Variants in SLC27A2 observed in about 807,000 individuals in gnomAD.
The protein encoded by SLC27A2 is solute carrier family 27 member 2, also known as long-chain fatty acid transport protein 2.
A neutral mutation model predicts 60.0 loss-of-function variants in SLC27A2; 54 were observed. The ratio of observed to expected loss-of-function variants is 0.90; its 90% CI spans 0.72 to 1.13. The LOEUF (loss-of-function observed/expected upper bound fraction) is 1.13, where lower values mean the gene tolerates loss of function less well. Among genes scored for constraint, SLC27A2 ranks in the 50% most tolerant of loss-of-function variants. SLC27A2 has a pLI of 0.00. For missense variants in SLC27A2, 739 were observed against 777.6 expected, an observed-to-expected ratio of 0.95 and a Z score of 0.59; for synonymous variants, 297 against 297.6, an observed-to-expected ratio of 1.00 and a Z score of 0.02.
At position 50,205,362 on chromosome 15, in the gene SLC27A2, A is replaced by G. The variant is rs2045103848; in HGVS notation, c.971A>G (p.Gln324Arg). Residue 324 changes from glutamine (Q) to arginine (R), a missense_variant and splice_region_variant, in exon 4 of 10, where the codon CAG becomes CGG. Coordinates refer to ENST00000267842, the MANE Select transcript of SLC27A2 (RefSeq NM_003645.4). The part of the protein sequence containing the change: ...ELLRYLCNSP[Q>R]KPNDRDHKVR... ...CTTCGGTATTTATGCAACTCACCACAGGTAACACTCCCCCCGTTTTACTAT... is the reference window on the plus strand; with the variant it reads ...CTTCGGTATTTATGCAACTCACCACGGGTAACACTCCCCCCGTTTTACTAT... 3.1e-6 allele frequency: 5 copies of G among 1,604,176 alleles called. No individual in the cohort carries two copies. Among genetic ancestry groups the G allele is most frequent in the Non-Finnish European group, 4.3e-6 (5 of 1,173,522 alleles).
Position 50,226,230 on chromosome 15 carries a change from A to T in SLC27A2, c.1258+152A>T, listed in dbSNP as rs1873169946. 7.5e-6 allele frequency: 4 copies of T among 534,840 alleles called. No individual in the cohort carries two copies. In the East Asian group the frequency reaches 8.5e-5, roughly 11 times the overall value. The allele number at this position is 534,840 out of a possible 1,614,324, so 33.1% of individuals were successfully genotyped here. A position where few individuals can be genotyped will look rare whatever the true frequency, so the allele number is the denominator to read the frequency against. On this transcript the variant is annotated intron_variant, in intron 6 of 9. Transcript: ENST00000267842. ...GTACCCTCCAATATACAGGAATTCC[A>T]AAGGTGCTAATTTACCGCTGCATGT...
At chr15:50,193,283 GACA>G (rs1179200210) in intron 1 of SLC27A2, among the ~76,000 whole-genome samples, 12 of 152,120 alleles carry the variant, frequency 7.9e-5, no homozygotes, top group African/African-American at 2.9e-4. Flanking sequence ...CCCCTGTTGT[GACA>G]CCTGTGGCAA....
At chr15:50,205,542 G>C (rs1443917270) in intron 4 of SLC27A2, among the ~76,000 whole-genome samples, 179 bp downstream of exon 4, 2 of 152,102 alleles carry the variant, frequency 1.3e-5, no homozygotes, top group Non-Finnish European at 2.9e-5. Context: ...GTAGGTGGGA[G>C]TTAATATTAT....
intron 3 of SLC27A2, among the ~76,000 whole-genome samples, chr15:50,204,967 C>G (rs1679490296): frequency 6.7e-6 from 1 of 149,556 alleles, no homozygotes; most frequent in Admixed American, 6.7e-5. Context: ...TCTCCCCTCC[C>G]TCCCTCTTAG....
Position 50,182,411 on chromosome 15 carries a change from AG to A in SLC27A2, c.-14del, listed in dbSNP as rs1259392783. ...GAACCCTCTGCCCTCGCTGGGACAG[AG>A]GGCCCCGCAGCCGTCATGCTTTCCG... is the stretch of plus-strand genomic sequence containing the variant. On this transcript the variant is annotated 5_prime_UTR_variant, in exon 1 of 10. Transcript: ENST00000267842. The A allele has an allele frequency of 1.3e-6, 2 of 1,578,768 alleles. No homozygotes were observed. The highest frequency in any genetic ancestry group is 4.6e-5 in the East Asian group (2 of 43,874).
intron 4 of SLC27A2, among the ~76,000 whole-genome samples, chr15:50,214,553 G>A (rs940869269): frequency 1.3e-5 from 2 of 152,054 alleles, no homozygotes; most frequent in Admixed American, 1.3e-4. Context: ...CATGAACACA[G>A]ATGCTAAAAT....
chr15:50,216,535 T>C (rs1057394859), intron 4 of SLC27A2, among the ~76,000 whole-genome samples: 2 of 148,454 alleles, frequency 1.3e-5, no homozygotes, highest in African/African-American at 2.5e-5. Context: ...CAATTCACAA[T>C]TGCAAAATCG....
intron 8 of SLC27A2, among the ~76,000 whole-genome samples, chr15:50,230,178 G>A (rs1232817745): frequency 6.7e-6 from 1 of 148,916 alleles, no homozygotes. Flanking sequence ...AGGTTGCAGT[G>A]AGCCGAGATC....
At chr15:50,196,656 T>C (rs2045025942) in intron 1 of SLC27A2, among the ~76,000 whole-genome samples, 1 of 152,216 alleles carries the variant, frequency 6.6e-6, no homozygotes, top group Non-Finnish European at 1.5e-5. Flanking sequence ...GTATTTTTCA[T>C]TTTTTTAAAT....
chr15:50,212,436 A>G (rs1404472262), intron 4 of SLC27A2, among the ~76,000 whole-genome samples: 4 of 152,264 alleles, frequency 2.6e-5, no homozygotes, highest in Non-Finnish European at 5.9e-5. Flanking sequence ...CATGAAGCAC[A>G]AAGAACACCT....
intron 1 of SLC27A2, among the ~76,000 whole-genome samples, chr15:50,183,994 C>CTGTTTTTTTT (rs2044897527): frequency 1.1e-5 from 1 of 91,138 alleles, no homozygotes; most frequent in Non-Finnish European, 2.1e-5. Context: ...TTTCCTACAT[C>CTGTTTTTTTT]TTTTTTTTTT....
chr15:50,204,833 G>T (rs188991326), intron 3 of SLC27A2, among the ~76,000 whole-genome samples: 1 of 146,014 alleles, frequency 6.8e-6, no homozygotes, highest in East Asian at 1.9e-4. Flanking sequence ...ATATATGTAT[G>T]TGTGTGTATA....
chr15:50,232,184 C>T (rs1054244456), intron 8 of SLC27A2, among the ~76,000 whole-genome samples: 3 of 152,216 alleles, frequency 2.0e-5, no homozygotes, highest in Admixed American at 1.3e-4. Flanking sequence ...CAATCACACA[C>T]CTCAGCTTTG....
rs2045013820 is a variant in SLC27A2 at position 50,196,056 on chromosome 15, A to AAAAAAAAAAAAT, written c.479-1433_479-1432insTAAAAAAAAAAA. On this transcript the variant is annotated intron_variant, in intron 1 of 9. Transcript: ENST00000267842. ...GCGACAGAGCCAGACTCTGTCTCAA[A>AAAAAAAAAAAAT]AAAAAAAAAAAAAAAAAAAAAATAT... 7.8e-4 allele frequency among the ~76,000 whole-genome samples: 7 copies of AAAAAAAAAAAAT among 8,990 alleles called. 2 individuals carry two copies. The highest frequency in any genetic ancestry group is 1.7e-3 in the Non-Finnish European group (7 of 4,160). The allele number at this position is 8,990 out of a possible 152,430, so 5.9% of individuals were successfully genotyped here.
At chr15:50,199,132 T>C (rs1000583368) in intron 2 of SLC27A2, among the ~76,000 whole-genome samples, 1 of 152,156 alleles carries the variant, frequency 6.6e-6, no homozygotes, top group African/African-American at 2.4e-5. Context: ...ATATGGGACT[T>C]TTATCATCAT....
intron 8 of SLC27A2, among the ~76,000 whole-genome samples, 192 bp from the exon 9 acceptor site, chr15:50,233,676 T>A (rs569590709): frequency 6.6e-6 from 1 of 152,326 alleles, no homozygotes; most frequent in Admixed American, 6.5e-5. Context: ...TAATAAAGAT[T>A]CAACCAACTG....
At chr15:50,187,849 CAA>C (rs1406117075) in intron 1 of SLC27A2, among the ~76,000 whole-genome samples, 2 of 151,758 alleles carry the variant, frequency 1.3e-5, no homozygotes, top group Admixed American at 1.3e-4. Context: ...CATTACAAAA[CAA>C]GTGTTGGGAC....
In SLC27A2 at chr15:50,202,639, G is replaced by C; in HGVS notation, c.841G>C (p.Val281Leu). 1 of 1,612,044 alleles carries C rather than the reference G, an allele frequency of 6.2e-7. No individual in the cohort carries two copies. Among genetic ancestry groups the C allele is most frequent in the Non-Finnish European group, 8.5e-7 (1 of 1,178,286 alleles). Residue 281 changes from valine (V) to leucine (L), a missense_variant, in exon 3 of 10, where the codon GTG becomes CTG. Val to Leu is a conservative substitution (Grantham distance 32). Coordinates refer to ENST00000267842, the MANE Select transcript of SLC27A2 (RefSeq NM_003645.4). Reference sequence around the variant, plus strand: ...ACTGATTGGCATTCACGGATGTATTGTGGCTGGTAAGCTTTTTCTACAAAA... The same window carrying C: ...ACTGATTGGCATTCACGGATGTATTCTGGCTGGTAAGCTTTTTCTACAAAA... ...ALLIGIHGCI[V>L]AGATLALRTK...
chr15:50,211,875 T>C (rs2045158778), intron 4 of SLC27A2, among the ~76,000 whole-genome samples: 2 of 151,648 alleles, frequency 1.3e-5, no homozygotes, highest in African/African-American at 4.8e-5. Context: ...ATTGAGACCA[T>C]CCTGGCTAAC....
Sources: allele counts gnomAD v4.1 joint callset (sites outside exome capture counted in the v4.1 genomes callset), GRCh38; gene constraint gnomAD v4.1.1; transcripts MANE v1.5; gene names NCBI Gene and HGNC (gene_info 2026-07-23, HGNC 2026-07-21).